The following PLXNA2 variants were observed in gnomAD, a reference collection of about 807,000 sequenced individuals.
The protein encoded by PLXNA2 is plexin-A2.
PLXNA2 carries 91 observed loss-of-function variants against 193.5 expected under a neutral mutation model. The ratio of observed to expected loss-of-function variants is 0.47; its 90% CI spans 0.40 to 0.56. The LOEUF is 0.56. Ranked by LOEUF, PLXNA2 falls within the 20% of genes least tolerant of loss-of-function variation. PLXNA2 has a pLI of 0.00. For synonymous variants in PLXNA2, 997 were observed against 1,027.3 expected (o/e 0.97, Z 0.56); for missense variants, 1,995 against 2,503.2 (o/e 0.80, Z 4.33).
At chr1:208,126,379 G>A (rs1667977124) in intron 4 of PLXNA2, among the ~76,000 whole-genome samples, 1 of 152,184 alleles carries the variant, frequency 6.6e-6, no homozygotes, top group Non-Finnish European at 1.5e-5. Flanking sequence ...TTGCCTGGGG[G>A]AATCAAATAG....
At chr1:208,180,205 T>G (rs1669796741) in intron 3 of PLXNA2, among the ~76,000 whole-genome samples, 1 of 150,412 alleles carries the variant, frequency 6.6e-6, no homozygotes. Flanking sequence ...TATGTTAAAG[T>G]CATTAAGGCT....
chr1:208,199,864 C>T (rs923011496), intron 3 of PLXNA2, among the ~76,000 whole-genome samples: 1 of 152,160 alleles, frequency 6.6e-6, no homozygotes, highest in Non-Finnish European at 1.5e-5. Flanking sequence ...TAGAACAATA[C>T]GCATCTTACT....
Position 208,210,360 on chromosome 1 carries a change from G to T in PLXNA2, c.1291C>A (p.Arg431Ser), listed in dbSNP as rs201461876. 1 of 1,613,900 alleles carries T rather than the reference G, an allele frequency of 6.2e-7. No homozygotes were observed. Among genetic ancestry groups the T allele is most frequent in the Non-Finnish European group, 8.5e-7 (1 of 1,180,034 alleles). The change falls in exon 3 of 32, where the codon CGC becomes AGC. Residue 431 changes from arginine (R) to serine (S), a missense_variant. Physicochemically the swap from Arg to Ser is moderately radical, Grantham distance 110 (BLOSUM62 -1). Coordinates refer to ENST00000367033, the MANE Select transcript of PLXNA2 (RefSeq NM_025179.4). ...ACGTAGGAGGCCACAGAGGTCATGC[G>T]GTCCCTGCTGGTGGTGTACAGGGTC... ...GLTLYTTSRD[R>S]MTSVASYVYN...
At chr1:208,147,974 G>A (rs143815449) in intron 3 of PLXNA2, among the ~76,000 whole-genome samples, 71 of 152,302 alleles carry the variant, frequency 4.7e-4, no homozygotes, top group African/African-American at 1.3e-3. Flanking sequence ...GGGCAGGAGC[G>A]TGTGAGGTAA....
intron 28 of PLXNA2, chr1:208,032,143 T>A: frequency 1.0e-6 from 1 of 985,336 alleles, no homozygotes; most frequent in Non-Finnish European, 1.2e-6. Context: ...ACTGGGTGCC[T>A]CCTGGCAGGA....
At chr1:208,065,712 T>G (rs1050901558) in intron 12 of PLXNA2, among the ~76,000 whole-genome samples, 3 of 152,174 alleles carry the variant, frequency 2.0e-5, no homozygotes, top group Admixed American at 6.5e-5. Context: ...GTTTGGAGAA[T>G]GCCCGAAGCC....
chr1:208,137,230 T>C (rs926331498), intron 4 of PLXNA2, among the ~76,000 whole-genome samples: 4 of 152,236 alleles, frequency 2.6e-5, no homozygotes, highest in African/African-American at 9.6e-5. Context: ...CATTCTCCAC[T>C]GTGACTCCCT....
intron 26 of PLXNA2, among the ~76,000 whole-genome samples, chr1:208,037,834 A>C (rs1014049096): frequency 5.3e-5 from 8 of 152,024 alleles, no homozygotes; most frequent in Non-Finnish European, 1.0e-4. Flanking sequence ...AGCAGGGTTC[A>C]CCAGGAGCCC....
chr1:208,079,790 T>C lies in PLXNA2; in HGVS notation c.2396-340A>G, dbSNP rs566517090. Among the ~76,000 whole-genome samples the C allele has an allele frequency of 3.7e-3, 421 of 113,258 alleles. 4 individuals carry two copies. Among genetic ancestry groups the C allele is most frequent in the African/African-American group, 0.012 (406 of 32,664 alleles). 74.3% of individuals were successfully genotyped at this position (113,258 alleles called of 152,430 possible). A position where few individuals can be genotyped will look rare whatever the true frequency, so the allele number is the denominator to read the frequency against. ...ATCTCTAACATGAAGATAATCGTTGTTTTTTTTTGTGAGGTTGGAATAAGA... is the reference window on the plus strand; with the variant it reads ...ATCTCTAACATGAAGATAATCGTTGCTTTTTTTTGTGAGGTTGGAATAAGA... On this transcript the variant is annotated intron_variant, in intron 11 of 31. Coordinates refer to ENST00000367033, the MANE Select transcript of PLXNA2 (RefSeq NM_025179.4).
chr1:208,215,552 G>C (rs991149345), intron 2 of PLXNA2, among the ~76,000 whole-genome samples: 7 of 148,372 alleles, frequency 4.7e-5, no homozygotes, highest in Non-Finnish European at 1.1e-4. Context: ...TGGAGGAAGG[G>C]ATGGAGGAAA....
At chr1:208,233,087 C>G (rs1012912266) in intron 1 of PLXNA2, among the ~76,000 whole-genome samples, 5 of 152,160 alleles carry the variant, frequency 3.3e-5, no homozygotes, top group Non-Finnish European at 1.5e-5. Flanking sequence ...CCTAAGTAGC[C>G]TTTTCCAGGC....
intron 3 of PLXNA2, among the ~76,000 whole-genome samples, chr1:208,165,384 G>A (rs1669267524): frequency 6.6e-6 from 1 of 152,100 alleles, no homozygotes; most frequent in Admixed American, 6.5e-5. Flanking sequence ...TGTGAGGTGA[G>A]GATTACTACC....
Position 208,052,469 on chromosome 1 carries a change from G to C in PLXNA2, c.2857-6C>G, listed in dbSNP as rs777902050. ...AGTGACAGCACAGAAGGGTTCTTTG[G>C]AAAGAAGCAGAGAAATGACTACAGC... On this transcript the variant is annotated splice_region_variant and splice_polypyrimidine_tract_variant and intron_variant, in intron 14 of 31. Coordinates refer to ENST00000367033, the MANE Select transcript of PLXNA2 (RefSeq NM_025179.4). 5 of 1,613,962 alleles carry C rather than the reference G, an allele frequency of 3.1e-6. No individual in the cohort carries two copies. The East Asian group carries it at 8.9e-5, about 29-fold the overall frequency.
In PLXNA2 at chr1:208,210,389, C is replaced by T; in HGVS notation, c.1262G>A (p.Gly421Asp). The T allele has an allele frequency of 1.2e-6, 2 of 1,614,034 alleles. No individual in the cohort carries two copies. The highest frequency in any genetic ancestry group is 1.7e-6 in the Non-Finnish European group (2 of 1,179,994). Residue 421 changes from glycine to aspartate, a missense_variant, in exon 3 of 32, where the codon GGC (glycine) becomes GAC (aspartate). Physicochemically the swap from Gly to Asp is moderately conservative, Grantham distance 94. Coordinates refer to ENST00000367033, the MANE Select transcript of PLXNA2 (RefSeq NM_025179.4). The stretch of plus-strand genomic sequence containing the variant: ...CCTGCTGGTGGTGTACAGGGTCAGG[C>T]CCTCCACTGGAGTTGAGCCTCCCAG... The part of the protein sequence containing the change: ...QPLGGSTPVE[G>D]LTLYTTSRDR...
At chr1:208,174,637 C>T (rs766937084) in intron 3 of PLXNA2, among the ~76,000 whole-genome samples, 6 of 152,048 alleles carry the variant, frequency 3.9e-5, no homozygotes, top group Non-Finnish European at 7.4e-5. Context: ...GCTCCCATGC[C>T]CCCAATAGGC....
At chr1:208,177,731 C>T (rs1049522996) in intron 3 of PLXNA2, among the ~76,000 whole-genome samples, 3 of 152,228 alleles carry the variant, frequency 2.0e-5, no homozygotes, top group South Asian at 2.1e-4. Context: ...GGTTCTCAAC[C>T]GTGGTCCCCA....
intron 3 of PLXNA2, among the ~76,000 whole-genome samples, chr1:208,167,351 A>G (rs918946421): frequency 2.6e-4 from 40 of 152,196 alleles, no homozygotes; most frequent in Non-Finnish European, 5.1e-4. Context: ...GTAGTTTTGA[A>G]TGTACTCCAT....
chr1:208,163,191 G>A (rs973782222), intron 3 of PLXNA2, among the ~76,000 whole-genome samples: 3 of 152,106 alleles, frequency 2.0e-5, no homozygotes, highest in Non-Finnish European at 4.4e-5. Context: ...CATGGGGAAG[G>A]GATGTAGGGA....
rs1553288625 is a variant in PLXNA2, at chr1:208,152,836, T to TCTTCACACCTTTG, written c.1372-10374_1372-10373insCAAAGGTGTGAAG. The stretch of plus-strand genomic sequence containing the variant: ...TCCAATTGCATCCCCAGCTTTTTCG[T>TCTTCACACCTTTG]CTTCACGCCTTTGCTTGACAATTTA... On this transcript the variant is annotated intron_variant, in intron 3 of 31. Transcript: ENST00000367033. Among the ~76,000 whole-genome samples, 37 of 151,658 alleles carry TCTTCACACCTTTG rather than the reference T, an allele frequency of 2.4e-4. 1 individual carries two copies. The South Asian group carries it at 5.2e-3, about 21-fold the overall frequency.
Sources: allele counts gnomAD v4.1 joint callset (sites outside exome capture counted in the v4.1 genomes callset), GRCh38; gene constraint gnomAD v4.1.1; transcripts MANE v1.5; gene names NCBI Gene and HGNC (gene_info 2026-07-23, HGNC 2026-07-21).